Variants in ROBO2 observed in about 807,000 individuals in gnomAD.
ROBO2 encodes roundabout guidance receptor 2, also known as roundabout homolog 2.
A neutral mutation model predicts 160.8 loss-of-function variants in ROBO2; 53 were observed. The observed-to-expected ratio is 0.33, with a 90% CI of 0.26 to 0.41. The LOEUF (loss-of-function observed/expected upper bound fraction) is 0.41. Among genes scored for constraint, ROBO2 ranks in the 10% least tolerant of loss-of-function variants. The probability of loss-of-function intolerance (pLI) is 1.00; values close to 1 mark genes in which losing one functional copy is unlikely to be tolerated. For missense variants in ROBO2, 1,577 were observed against 1,722.4 expected (o/e 0.92, Z 1.49); for synonymous variants, 664 against 611.7 (o/e 1.09, Z -1.26).
At chr3:75,982,714 G>A (rs1300159924) in intron 2 of ROBO2, among the ~76,000 whole-genome samples, 1 of 151,422 alleles carries the variant, frequency 6.6e-6, no homozygotes, top group African/African-American at 2.4e-5. Flanking sequence ...TAGGATGAAT[G>A]CAAAAGTTTG....
At chr3:76,008,065 C>T (rs2107597683) in intron 2 of ROBO2, among the ~76,000 whole-genome samples, 1 of 151,874 alleles carries the variant, frequency 6.6e-6, no homozygotes, top group South Asian at 2.1e-4. Context: ...GAAACCCCAA[C>T]TCTACTAAAA....
intron 2 of ROBO2, among the ~76,000 whole-genome samples, chr3:76,383,416 G>A (rs1199488541): frequency 1.3e-5 from 2 of 152,124 alleles, no homozygotes; most frequent in Non-Finnish European, 2.9e-5. Context: ...TGCTGCTTTT[G>A]ATACTTGTAT....
intron 2 of ROBO2, among the ~76,000 whole-genome samples, chr3:77,184,184 A>G (rs2150877790): frequency 6.6e-6 from 1 of 152,216 alleles, no homozygotes; most frequent in African/African-American, 2.4e-5. Flanking sequence ...CACTAATTAC[A>G]AAGTGTATGC....
At chr3:76,420,432 C>T (rs530080848) in intron 2 of ROBO2, among the ~76,000 whole-genome samples, 4 of 152,216 alleles carry the variant, frequency 2.6e-5, no homozygotes, top group South Asian at 4.2e-4. Context: ...TTAAAATTGC[C>T]GGCATTGATC....
At chr3:76,120,007 C>A (rs2070680074) in intron 2 of ROBO2, among the ~76,000 whole-genome samples, 1 of 142,008 alleles carries the variant, frequency 7.0e-6, no homozygotes, top group Non-Finnish European at 1.5e-5. Context: ...TTTCTGTCTT[C>A]TTTCTTTTTG....
chr3:76,762,718 T>C (rs1359560103), intron 2 of ROBO2, among the ~76,000 whole-genome samples: 3 of 151,656 alleles, frequency 2.0e-5, no homozygotes, highest in East Asian at 3.9e-4. Context: ...CATAACAACC[T>C]CTTCTTGATG....
rs559916584 is a variant in ROBO2, at chr3:75,936,843, T to A, written c.-13-638T>A. Among the ~76,000 whole-genome samples the A allele has an allele frequency of 3.3e-5, 5 of 152,130 alleles. No homozygotes were observed. The South Asian group carries it at 1.0e-3, about 32-fold the overall frequency. ...TATACATTGTCATATATATGTATAATATTTGTATATATGAAAGTTCCTGTG... is the reference window on the plus strand; with the variant it reads ...TATACATTGTCATATATATGTATAAAATTTGTATATATGAAAGTTCCTGTG... On this transcript the variant is annotated intron_variant, in intron 1 of 26. Coordinates refer to the ROBO2 transcript ENST00000487694.
At chr3:77,375,492 T>C (rs2072505059) in intron 2 of ROBO2, among the ~76,000 whole-genome samples, 1 of 152,214 alleles carries the variant, frequency 6.6e-6, no homozygotes, top group African/African-American at 2.4e-5. Context: ...TAAATTCTTC[T>C]CTTTACACAT....
At chr3:76,397,298 C>T (rs2077516262) in intron 2 of ROBO2, among the ~76,000 whole-genome samples, 1 of 152,096 alleles carries the variant, frequency 6.6e-6, no homozygotes. Flanking sequence ...TGGATCCCTT[C>T]CTTACACCTT....
At chr3:77,646,187 A>T in exon 26 of ROBO2, 1 of 540,566 alleles carries the variant, frequency 1.8e-6, no homozygotes, top group Non-Finnish European at 3.3e-6. Context: ...CAATGTAAAG[A>T]CACACAGCCA....
At chr3:76,644,047 T>C (rs749607398) in intron 2 of ROBO2, among the ~76,000 whole-genome samples, 64 of 152,208 alleles carry the variant, frequency 4.2e-4, no homozygotes, top group Non-Finnish European at 5.0e-4. Context: ...TATAGAGTCA[T>C]TAAATATTAA....
chr3:77,246,764 T>G (rs983178980), intron 2 of ROBO2, among the ~76,000 whole-genome samples: 1 of 152,234 alleles, frequency 6.6e-6, no homozygotes, highest in African/African-American at 2.4e-5. Context: ...AACACTTTTT[T>G]TGTGGACAAT....
At chr3:76,286,227 T>C (rs1205917231) in intron 2 of ROBO2, among the ~76,000 whole-genome samples, 1 of 152,158 alleles carries the variant, frequency 6.6e-6, no homozygotes, top group East Asian at 1.9e-4. Flanking sequence ...ATAAAAGCAA[T>C]GATATTTGTC....
At chr3:77,268,330 T>C (rs1301527714) in intron 2 of ROBO2, among the ~76,000 whole-genome samples, 1 of 152,158 alleles carries the variant, frequency 6.6e-6, no homozygotes, top group African/African-American at 2.4e-5. Flanking sequence ...GGCATTTGTA[T>C]GGAATAACAG....
At chr3:77,228,406 C>T (rs963307303) in intron 2 of ROBO2, among the ~76,000 whole-genome samples, 1 of 150,290 alleles carries the variant, frequency 6.7e-6, no homozygotes, top group African/African-American at 2.5e-5. Flanking sequence ...TATTGTATTA[C>T]ATGCACAAAC....
At chr3:77,554,875 T>G (rs2093054009) in intron 8 of ROBO2, among the ~76,000 whole-genome samples, 1 of 152,024 alleles carries the variant, frequency 6.6e-6, no homozygotes, top group East Asian at 1.9e-4. Context: ...CATCAGAGTT[T>G]GAGAGGATTG....
chr3:77,350,030 C>A (rs2068128448), intron 2 of ROBO2, among the ~76,000 whole-genome samples: 1 of 151,798 alleles, frequency 6.6e-6, no homozygotes, highest in Admixed American at 6.6e-5. Flanking sequence ...ATCCTGATTT[C>A]ACTGACACCT....
At chr3:76,849,454 A>G (rs2069105473) in intron 2 of ROBO2, among the ~76,000 whole-genome samples, 1 of 152,202 alleles carries the variant, frequency 6.6e-6, no homozygotes, top group African/African-American at 2.4e-5. Context: ...AGCTAACTTG[A>G]AGTACATAGA....
chr3:76,026,096 G>T (rs1322444081), intron 2 of ROBO2, among the ~76,000 whole-genome samples: 1 of 151,872 alleles, frequency 6.6e-6, no homozygotes, highest in Non-Finnish European at 1.5e-5. Flanking sequence ...TGGCTCCCCA[G>T]TACCTTGCCT....
Sources: allele counts gnomAD v4.1 joint callset (sites outside exome capture counted in the v4.1 genomes callset), GRCh38; gene constraint gnomAD v4.1.1; transcripts MANE v1.5; gene names NCBI Gene and HGNC (gene_info 2026-07-23, HGNC 2026-07-21).